NHEJ1: variants seen among roughly 807,000 people sequenced by gnomAD.
The protein encoded by NHEJ1 is non-homologous end joining factor 1.
NHEJ1 carries 22 observed loss-of-function variants against 39.4 expected under a neutral mutation model. The ratio of observed to expected loss-of-function variants is 0.56; its 90% CI spans 0.40 to 0.80. NHEJ1 has a LOEUF of 0.80. NHEJ1 is among the 30% of genes least tolerant of loss of function. The pLI is 0.00. For synonymous variants in NHEJ1, 154 were observed against 135.6 expected (o/e 1.14, Z -0.94); for missense variants, 329 against 357.1 (o/e 0.92, Z 0.63).
chr2:219,085,755 T>C (rs956711723), intron 5 of NHEJ1, among the ~76,000 whole-genome samples: 15 of 135,346 alleles, frequency 1.1e-4, no homozygotes, highest in East Asian at 2.2e-4. Flanking sequence ...GATGGGAGAA[T>C]AGATGCAGCC....
At chr2:219,095,360 G>C (rs767511236) in intron 5 of NHEJ1, 1 of 470,868 alleles carries the variant, frequency 2.1e-6, no homozygotes, top group South Asian at 1.5e-5. Context: ...TTTTAACTGA[G>C]AGATGATAAA....
chr2:219,158,471 A>C, intron 1 of NHEJ1, 109 bp from the exon 2 acceptor site: 4 of 1,061,748 alleles, frequency 3.8e-6, no homozygotes, highest in Non-Finnish European at 5.7e-6. Context: ...ATCCTCCCTG[A>C]TAAAATAGAA....
intron 5 of NHEJ1, among the ~76,000 whole-genome samples, chr2:219,140,587 G>A (rs779922785): frequency 6.6e-6 from 1 of 152,174 alleles, no homozygotes; most frequent in Non-Finnish European, 1.5e-5. Flanking sequence ...CAGTCAGGAT[G>A]ACTCCAAGGT....
At chr2:219,080,360 T>C (rs1344050792) in intron 5 of NHEJ1, among the ~76,000 whole-genome samples, 1 of 151,496 alleles carries the variant, frequency 6.6e-6, no homozygotes. Context: ...GCATCTCTAC[T>C]AAAAAAGACA....
At chr2:219,160,613 G>C (rs1949925624) in intron 1 of NHEJ1, 107 bp downstream of exon 1, 1 of 146,344 alleles carries the variant, frequency 6.8e-6, no homozygotes, top group Non-Finnish European at 1.5e-5. Context: ...CCCCGGCAGC[G>C]CGCGCTCCCT....
In NHEJ1 at chr2:219,075,541, G is replaced by C. The variant is rs1949005108; in HGVS notation, c.*840C>G. 6.6e-6 allele frequency: 1 copy of C among 152,138 alleles called. No homozygotes were observed. Among genetic ancestry groups the C allele is most frequent in the East Asian group, 1.9e-4 (1 of 5,190 alleles). 9.4% of individuals were successfully genotyped at this position (152,138 alleles called of 1,614,324 possible). ...GTGGGCAGATCACTAGAGTCCAGGA[G>C]TTCAAGACCAGCCTGGGCAACATGG... On this transcript the variant is annotated 3_prime_UTR_variant, in exon 8 of 8. Coordinates refer to ENST00000356853, the MANE Select transcript of NHEJ1 (RefSeq NM_024782.3).
intron 5 of NHEJ1, among the ~76,000 whole-genome samples, chr2:219,103,700 A>G (rs7598980): frequency 0.11 from 16,839 of 152,306 alleles, 963 homozygotes; most frequent in African/African-American, 0.15. Context: ...GCACTCAAGT[A>G]TATCTCATTG....
intron 5 of NHEJ1, among the ~76,000 whole-genome samples, chr2:219,108,430 A>G (rs1949333101): frequency 6.6e-6 from 1 of 152,186 alleles, no homozygotes; most frequent in Admixed American, 6.5e-5. Context: ...TATGTCTTTG[A>G]GCAAGCATCT....
At chr2:219,146,764 G>A (rs776419402) in intron 4 of NHEJ1, 26 bp from the exon 5 acceptor site, 4 of 1,550,158 alleles carry the variant, frequency 2.6e-6, no homozygotes, top group Admixed American at 3.3e-5. Flanking sequence ...TCAGAAAAAA[G>A]AAATATGAGT....
Position 219,076,081 on chromosome 2 carries a change from T to G in NHEJ1, c.*300A>C. 1 of 542,056 alleles carries G rather than the reference T, an allele frequency of 1.8e-6. No individual in the cohort carries two copies. The highest frequency in any genetic ancestry group is 3.2e-6 in the Non-Finnish European group (1 of 309,204). The allele number at this position is 542,056 out of a possible 1,614,324, so 33.6% of individuals were successfully genotyped here. On this transcript the variant is annotated 3_prime_UTR_variant, in exon 8 of 8. Transcript: ENST00000356853. ...GGAAAGGTAGACAAGGCTTCCTGAG[T>G]GTGTGGTGCTTTCTTGCTGACTTGC...
At chr2:219,080,628 A>AGC (rs1559185910) in intron 5 of NHEJ1, among the ~76,000 whole-genome samples, 2 of 142,420 alleles carry the variant, frequency 1.4e-5, no homozygotes, top group Admixed American at 1.4e-4. Context: ...TATATATGCT[A>AGC]ATATATATAA....
At chr2:219,084,381 C>A (rs1438948169) in intron 5 of NHEJ1, among the ~76,000 whole-genome samples, 2 of 152,200 alleles carry the variant, frequency 1.3e-5, no homozygotes, top group Non-Finnish European at 2.9e-5. Flanking sequence ...GTATTAACTT[C>A]TCTTCACTGG....
chr2:219,138,562 G>A (rs1383595995), intron 5 of NHEJ1, among the ~76,000 whole-genome samples: 2 of 152,170 alleles, frequency 1.3e-5, no homozygotes, highest in Non-Finnish European at 2.9e-5. Flanking sequence ...ATGTGTGGAG[G>A]CACTGTTCTA....
Position 219,107,297 on chromosome 2 carries a change from C to T in NHEJ1, c.589-29091G>A, listed in dbSNP as rs118004863. Among the ~76,000 whole-genome samples, 246 of 152,200 alleles carry T rather than the reference C, an allele frequency of 1.6e-3. 10 individuals are homozygous for T. In the East Asian group the frequency reaches 0.041, roughly 25 times the overall value. ...CTTCCTGAAGAGGAAAAATAGAAAT[C>T]GATTGATTGAAACCAATTTATGGTT... On this transcript the variant is annotated intron_variant, in intron 5 of 7. Transcript: ENST00000356853.
At chr2:219,110,741 C>T (rs975094114) in intron 5 of NHEJ1, among the ~76,000 whole-genome samples, 1 of 151,996 alleles carries the variant, frequency 6.6e-6, no homozygotes, top group Non-Finnish European at 1.5e-5. Flanking sequence ...CTGGGAAGGA[C>T]CATTCTTAGC....
At chr2:219,107,026 T>C (rs1949320287) in intron 5 of NHEJ1, among the ~76,000 whole-genome samples, 1 of 152,170 alleles carries the variant, frequency 6.6e-6, no homozygotes, top group African/African-American at 2.4e-5. Context: ...GCCCACAACA[T>C]TGATAATGAG....
intron 5 of NHEJ1, among the ~76,000 whole-genome samples, chr2:219,103,551 C>T (rs570813376): frequency 2.6e-5 from 4 of 152,342 alleles, no homozygotes; most frequent in Non-Finnish European, 5.9e-5. Flanking sequence ...GCTGGGATTA[C>T]AGGCGTGAGC....
intron 3 of NHEJ1, among the ~76,000 whole-genome samples, chr2:219,150,380 C>T (rs563413134): frequency 1.3e-5 from 2 of 152,286 alleles, no homozygotes; most frequent in South Asian, 2.1e-4. Flanking sequence ...ACAGCACATC[C>T]CAACCTGGCA....
chr2:219,092,788 T>C (rs1260452996), intron 5 of NHEJ1, among the ~76,000 whole-genome samples: 1 of 152,140 alleles, frequency 6.6e-6, no homozygotes, highest in Non-Finnish European at 1.5e-5. Flanking sequence ...CAAAGCCACA[T>C]GCCAGTCAAT....
Sources: allele counts gnomAD v4.1 joint callset (sites outside exome capture counted in the v4.1 genomes callset), GRCh38; gene constraint gnomAD v4.1.1; transcripts MANE v1.5; gene names NCBI Gene and HGNC (gene_info 2026-07-23, HGNC 2026-07-21).